The following OTUD7A variants were observed in gnomAD, a reference collection of about 807,000 sequenced individuals.
OTUD7A encodes OTU domain-containing protein 7A.
A neutral mutation model predicts 65.7 loss-of-function variants in OTUD7A; 12 were observed. The observed-to-expected ratio is 0.18, with a 90% CI of 0.12 to 0.30. OTUD7A has a LOEUF of 0.30. OTUD7A is among the 10% of genes least tolerant of loss of function. The pLI is 1.00. For missense variants in OTUD7A, 1,148 were observed against 1,304.8 expected, an observed-to-expected ratio of 0.88 and a Z score of 1.85; for synonymous variants, 641 against 586.3, an observed-to-expected ratio of 1.09 and a Z score of -1.35.
intron 5 of OTUD7A, among the ~76,000 whole-genome samples, chr15:31,542,550 C>A: frequency 6.6e-6 from 1 of 151,860 alleles, no homozygotes; most frequent in East Asian, 1.9e-4. Flanking sequence ...ATTGTCCAAT[C>A]AAAATTCAGA....
chr15:31,738,953 T>C (rs548571401), intron 1 of OTUD7A, among the ~76,000 whole-genome samples: 5 of 152,326 alleles, frequency 3.3e-5, no homozygotes, highest in South Asian at 2.1e-4. Context: ...TCAGATCAGA[T>C]ACCAAGTACA....
Position 31,483,651 on chromosome 15 carries a change from G to T in OTUD7A, c.2445C>A (p.Ser815Arg). 5.1e-6 allele frequency: 6 copies of T among 1,171,694 alleles called. No individual in the cohort carries two copies. The highest frequency in any genetic ancestry group is 6.3e-6 in the Non-Finnish European group (6 of 951,636). The allele number at this position is 1,171,694 out of a possible 1,614,324, so 72.6% of individuals were successfully genotyped here. The stretch of plus-strand genomic sequence containing the variant: ...GGGCGGCGGCGCGCGCCGGGCTGTA[G>T]CTCTGCGACGACAGCGAGCGGTTCT... ...PQQNRSLSSQ[S>R]YSPARAAALR... Residue 815 changes from serine to arginine, a missense_variant, in exon 13 of 13, where the codon AGC becomes AGA. Transcript: ENST00000307050.
At chr15:31,664,489 C>T (rs971862279) in intron 1 of OTUD7A, among the ~76,000 whole-genome samples, 2 of 151,772 alleles carry the variant, frequency 1.3e-5, no homozygotes, top group African/African-American at 2.4e-5. Context: ...TATTCATATC[C>T]TTAGCCCACT....
At chr15:31,634,165 C>G (rs978533940) in intron 3 of OTUD7A, among the ~76,000 whole-genome samples, 1 of 152,154 alleles carries the variant, frequency 6.6e-6, no homozygotes, top group Non-Finnish European at 1.5e-5. Context: ...TAAAGAAGTA[C>G]CCCGTGAAGG....
At chr15:31,741,941 C>A (rs912440441) in intron 1 of OTUD7A, among the ~76,000 whole-genome samples, 3 of 151,964 alleles carry the variant, frequency 2.0e-5, no homozygotes, top group Admixed American at 6.6e-5. Flanking sequence ...AAAAATAATT[C>A]TATGCAAATA....
At chr15:31,582,511 G>T (rs543166156) in intron 3 of OTUD7A, among the ~76,000 whole-genome samples, 14 of 152,350 alleles carry the variant, frequency 9.2e-5, no homozygotes, top group Admixed American at 2.6e-4. Context: ...TTGGCTCACA[G>T]TTACACATGC....
At chr15:31,772,405 G>C (rs1895265698) in intron 1 of OTUD7A, among the ~76,000 whole-genome samples, 1 of 152,056 alleles carries the variant, frequency 6.6e-6, no homozygotes. Flanking sequence ...CTGACAGATA[G>C]TTGGCAAGGG....
intron 1 of OTUD7A, among the ~76,000 whole-genome samples, chr15:31,825,758 T>G (rs1282663161): frequency 6.6e-6 from 1 of 152,230 alleles, no homozygotes; most frequent in East Asian, 1.9e-4. Context: ...AGCTACTTAT[T>G]TCCTAGATAC....
intron 4 of OTUD7A, among the ~76,000 whole-genome samples, chr15:31,568,480 T>G (rs1246794054): frequency 6.6e-6 from 1 of 152,246 alleles, no homozygotes; most frequent in African/African-American, 2.4e-5. Flanking sequence ...GGGACTTGCC[T>G]TGACTCAGAC....
intron 1 of OTUD7A, among the ~76,000 whole-genome samples, chr15:31,721,244 G>T (rs2141348902): frequency 6.6e-6 from 1 of 152,374 alleles, no homozygotes; most frequent in Admixed American, 6.5e-5. Context: ...CAGTGTGTGT[G>T]TACATGAATG....
At chr15:31,650,949 C>G (rs1461389158) in intron 3 of OTUD7A, among the ~76,000 whole-genome samples, 2 of 151,024 alleles carry the variant, frequency 1.3e-5, no homozygotes, top group Non-Finnish European at 2.9e-5. Context: ...AAATAGAAAA[C>G]ACACTGGCTG....
chr15:31,844,994 A>T (rs1171083245), intron 1 of OTUD7A, among the ~76,000 whole-genome samples: 1 of 152,012 alleles, frequency 6.6e-6, no homozygotes, highest in Non-Finnish European at 1.5e-5. Flanking sequence ...AGACCCTGCT[A>T]CCCCCAGCAA....
intron 5 of OTUD7A, among the ~76,000 whole-genome samples, chr15:31,535,892 G>A (rs1221172724): frequency 6.6e-6 from 1 of 151,946 alleles, no homozygotes; most frequent in African/African-American, 2.4e-5. Flanking sequence ...GTGTTAGCCA[G>A]GATGGTCTCA....
chr15:31,507,586 G>A (rs1035480685), intron 8 of OTUD7A, among the ~76,000 whole-genome samples: 1 of 152,106 alleles, frequency 6.6e-6, no homozygotes, highest in African/African-American at 2.4e-5. Context: ...AAGAACAAAG[G>A]TTCTAAACCA....
At chr15:31,828,883 T>G (rs1370780148) in intron 1 of OTUD7A, among the ~76,000 whole-genome samples, 1 of 152,144 alleles carries the variant, frequency 6.6e-6, no homozygotes, top group East Asian at 1.9e-4. Flanking sequence ...GGCCAGAAGA[T>G]GTACACTATG....
intron 5 of OTUD7A, among the ~76,000 whole-genome samples, chr15:31,545,303 G>T (rs577609337): frequency 1.3e-5 from 2 of 152,168 alleles, no homozygotes; most frequent in African/African-American, 4.8e-5. Flanking sequence ...CTTTTAGGTG[G>T]ATTATAGATT....
intron 3 of OTUD7A, among the ~76,000 whole-genome samples, chr15:31,621,560 G>C (rs370550698): frequency 6.6e-6 from 1 of 151,610 alleles, no homozygotes; most frequent in African/African-American, 2.4e-5. Context: ...TTTAAAGTCT[G>C]TTTTATCAGA....
chr15:31,724,835 A>C (rs1377322770), intron 1 of OTUD7A, among the ~76,000 whole-genome samples: 1 of 151,906 alleles, frequency 6.6e-6, no homozygotes, highest in Non-Finnish European at 1.5e-5. Flanking sequence ...TAGGGAAAAG[A>C]GCTTAAGGGT....
chr15:31,781,830 C>G (rs529315778), intron 1 of OTUD7A, among the ~76,000 whole-genome samples: 1 of 152,192 alleles, frequency 6.6e-6, no homozygotes, highest in African/African-American at 2.4e-5. Flanking sequence ...GATAAATACC[C>G]TCACATATAC....
Sources: gnomAD v4.1 joint callset for allele counts (sites outside exome capture counted in the v4.1 genomes callset) on GRCh38, gnomAD v4.1.1 for gene constraint, MANE v1.5 for transcripts, NCBI Gene and HGNC (gene_info 2026-07-23, HGNC 2026-07-21) for gene names.